Variants in HS6ST3 observed in about 807,000 individuals in gnomAD.
HS6ST3 encodes the protein heparan sulfate 6-O-sulfotransferase 3, also known as heparan-sulfate 6-O-sulfotransferase 3.
Under a neutral mutation model 36.7 loss-of-function variants are expected in HS6ST3, and 12 were observed. That is an observed-to-expected ratio of 0.33 (90% CI 0.21 to 0.53). The LOEUF is 0.53. Among genes scored for constraint, HS6ST3 ranks in the 20% least tolerant of loss-of-function variants. HS6ST3 has a pLI of 0.95. For missense variants in HS6ST3, 584 were observed against 640.9 expected (o/e 0.91, Z 0.96); for synonymous variants, 240 against 257.5 (o/e 0.93, Z 0.65).
intron 1 of HS6ST3, among the ~76,000 whole-genome samples, chr13:96,813,024 T>G (rs189758786): frequency 6.6e-6 from 1 of 152,318 alleles, no homozygotes; most frequent in East Asian, 1.9e-4. Context: ...TCACAGTACC[T>G]GTGGGATCAG....
At chr13:96,826,093 A>T (rs1878640653) in intron 1 of HS6ST3, among the ~76,000 whole-genome samples, 1 of 152,238 alleles carries the variant, frequency 6.6e-6, no homozygotes, top group South Asian at 2.1e-4. Context: ...TTCTTGAAAC[A>T]GTAGGGAAGA....
chr13:96,274,645 A>C (rs915872453), intron 1 of HS6ST3, among the ~76,000 whole-genome samples: 1 of 152,132 alleles, frequency 6.6e-6, no homozygotes, highest in Admixed American at 6.6e-5. Flanking sequence ...GAAAATGATG[A>C]GTTGTGGGGA....
intron 1 of HS6ST3, among the ~76,000 whole-genome samples, chr13:96,203,507 A>G (rs1052070479): frequency 1.3e-5 from 2 of 152,196 alleles, no homozygotes; most frequent in African/African-American, 4.8e-5. Flanking sequence ...CATTCAGTCT[A>G]TAGCAAACAC....
intron 1 of HS6ST3, among the ~76,000 whole-genome samples, chr13:96,353,046 CTTTTTTTTTTT>C (rs1026366277): frequency 4.7e-5 from 4 of 85,436 alleles, no homozygotes; most frequent in Non-Finnish European, 9.6e-5. Context: ...CTAGCGTATT[CTTTTTTTTTTT>C]TTTTTTTTTT....
chr13:96,150,120 C>A (rs746008129), intron 1 of HS6ST3, among the ~76,000 whole-genome samples: 1 of 152,026 alleles, frequency 6.6e-6, no homozygotes, highest in Non-Finnish European at 1.5e-5. Flanking sequence ...TACGTGGACA[C>A]CGGAGAGTGA....
rs188311695 is a variant in HS6ST3, at chr13:96,255,067, T to C, written c.707+163498T>C. Among the ~76,000 whole-genome samples the C allele has an allele frequency of 2.0e-5, 3 of 152,358 alleles. No homozygotes were observed. In the East Asian group the frequency reaches 5.8e-4, roughly 29 times the overall value. ...TCCATTTTTCTTACTTTTGGAAATATACTTAACTTTTCAGAACCTTTTCAA... is the reference window on the plus strand; with the variant it reads ...TCCATTTTTCTTACTTTTGGAAATACACTTAACTTTTCAGAACCTTTTCAA... On this transcript the variant is annotated intron_variant, in intron 1 of 1. Coordinates refer to ENST00000376705, the MANE Select transcript of HS6ST3 (RefSeq NM_153456.4).
At chr13:96,567,311 A>G (rs2056284889) in intron 1 of HS6ST3, among the ~76,000 whole-genome samples, 1 of 152,158 alleles carries the variant, frequency 6.6e-6, no homozygotes, top group Non-Finnish European at 1.5e-5. Context: ...AACATTCCAG[A>G]GCTTTAAGCA....
chr13:96,474,700 C>T (rs144659172), intron 1 of HS6ST3, among the ~76,000 whole-genome samples: 1 of 152,230 alleles, frequency 6.6e-6, no homozygotes, highest in African/African-American at 2.4e-5. Flanking sequence ...ATCAGAAGCC[C>T]AGAAAAAACG....
intron 1 of HS6ST3, among the ~76,000 whole-genome samples, chr13:96,318,962 A>T (rs1194181411): frequency 6.6e-6 from 1 of 152,238 alleles, no homozygotes; most frequent in African/African-American, 2.4e-5. Flanking sequence ...TAAAAAAAAT[A>T]GCCTTATTAA....
At position 96,343,057 on chromosome 13, in the gene HS6ST3, G is replaced by A. The variant is rs535808425; in HGVS notation, c.707+251488G>A. Reference sequence around the variant, plus strand: ...GTGTCATGGATACTTTCCTTTCATCGGAAGGGAATTGCATACTAATAGGAG... The same window carrying A: ...GTGTCATGGATACTTTCCTTTCATCAGAAGGGAATTGCATACTAATAGGAG... On this transcript the variant is annotated intron_variant, in intron 1 of 1. Coordinates refer to ENST00000376705, the MANE Select transcript of HS6ST3 (RefSeq NM_153456.4). Among the ~76,000 whole-genome samples, 4 of 152,178 alleles carry A rather than the reference G, an allele frequency of 2.6e-5. No individual in the cohort carries two copies. The South Asian group carries it at 6.3e-4, about 24-fold the overall frequency.
intron 1 of HS6ST3, among the ~76,000 whole-genome samples, chr13:96,104,665 A>G (rs1594677368): frequency 6.6e-6 from 1 of 152,204 alleles, no homozygotes; most frequent in Non-Finnish European, 1.5e-5. Flanking sequence ...AGGGCCAGAC[A>G]CCAGACAACT....
chr13:96,542,007 A>G (rs1566391581), intron 1 of HS6ST3, among the ~76,000 whole-genome samples: 1 of 152,160 alleles, frequency 6.6e-6, no homozygotes, highest in Non-Finnish European at 1.5e-5. Flanking sequence ...TCTTACTATT[A>G]TTGGATCAAA....
At chr13:96,596,042 A>C (rs2138978804) in intron 1 of HS6ST3, among the ~76,000 whole-genome samples, 1 of 152,282 alleles carries the variant, frequency 6.6e-6, no homozygotes, top group Admixed American at 6.5e-5. Flanking sequence ...TATACCTGTC[A>C]ACCAAATAGT....
intron 1 of HS6ST3, among the ~76,000 whole-genome samples, chr13:96,400,242 C>G (rs1456728462): frequency 5.3e-5 from 8 of 151,022 alleles, no homozygotes; most frequent in Non-Finnish European, 1.2e-4. Context: ...TGCAGACACA[C>G]ACAGATACAC....
intron 1 of HS6ST3, among the ~76,000 whole-genome samples, chr13:96,374,158 A>G (rs1287335750): frequency 6.6e-6 from 1 of 152,152 alleles, no homozygotes; most frequent in East Asian, 1.9e-4. Flanking sequence ...ATGTCCTTAT[A>G]TTATTATATT....
At chr13:96,661,583 A>G (rs965525841) in intron 1 of HS6ST3, among the ~76,000 whole-genome samples, 8 of 152,118 alleles carry the variant, frequency 5.3e-5, no homozygotes, top group Non-Finnish European at 1.2e-4. Context: ...GTAGAGCATT[A>G]GTTCATTTAT....
chr13:96,770,544 T>C (rs180898752), intron 1 of HS6ST3, among the ~76,000 whole-genome samples: 23 of 152,322 alleles, frequency 1.5e-4, no homozygotes, highest in Admixed American at 1.2e-3. Context: ...ATATGGTAAA[T>C]GATAATGCAA....
intron 1 of HS6ST3, among the ~76,000 whole-genome samples, chr13:96,506,320 T>G (rs957042622): frequency 6.6e-6 from 1 of 152,124 alleles, no homozygotes; most frequent in African/African-American, 2.4e-5. Context: ...GGTTCCTCAT[T>G]TTACAGATGA....
At chr13:96,618,537 A>G (rs1420962831) in intron 1 of HS6ST3, among the ~76,000 whole-genome samples, 1 of 152,200 alleles carries the variant, frequency 6.6e-6, no homozygotes, top group Non-Finnish European at 1.5e-5. Context: ...TTATTTGCAT[A>G]GGTTCCTTCT....
Sources: allele counts gnomAD v4.1 joint callset (sites outside exome capture counted in the v4.1 genomes callset), GRCh38; gene constraint gnomAD v4.1.1; transcripts MANE v1.5; gene names NCBI Gene and HGNC (gene_info 2026-07-23, HGNC 2026-07-21).